The following NAT10 variants were observed in gnomAD, a reference collection of about 807,000 sequenced individuals.
The protein encoded by NAT10 is RNA cytidine acetyltransferase.
Under a neutral mutation model 132.2 loss-of-function variants are expected in NAT10, and 109 were observed. The ratio of observed to expected loss-of-function variants is 0.82; its 90% CI spans 0.71 to 0.97. NAT10 has a LOEUF of 0.97. Among genes scored for constraint, NAT10 ranks in the 50% least tolerant of loss-of-function variants. The pLI, the probability that NAT10 is intolerant of heterozygous loss-of-function variation, is 0.00. For synonymous variants in NAT10, 479 were observed against 478.0 expected (o/e 1.00, Z -0.03); for missense variants, 1,184 against 1,263.4 (o/e 0.94, Z 0.95).
intron 8 of NAT10, among the ~76,000 whole-genome samples, chr11:34,121,810 A>C (rs1190692205): frequency 2.9e-5 from 4 of 137,830 alleles, no homozygotes; most frequent in African/African-American, 1.1e-4. Flanking sequence ...AAGTGAGCTG[A>C]GATCATGCCA....
intron 28 of NAT10, among the ~76,000 whole-genome samples, chr11:34,144,200 C>T (rs1016633775): frequency 2.6e-5 from 4 of 151,950 alleles, no homozygotes; most frequent in South Asian, 2.1e-4. Flanking sequence ...TTTGGGAGGC[C>T]GAGGTAGGAG....
chr11:34,108,468 C>A, intron 2 of NAT10, 135 bp downstream of exon 2: 1 of 735,872 alleles, frequency 1.4e-6, no homozygotes, highest in South Asian at 1.8e-5. Context: ...GGGAACCTTT[C>A]TTTATTTCCT....
At chr11:34,137,618 G>T (rs1440201546) in intron 21 of NAT10, among the ~76,000 whole-genome samples, 1 of 152,180 alleles carries the variant, frequency 6.6e-6, no homozygotes, top group Non-Finnish European at 1.5e-5. Context: ...GTTCATTGCT[G>T]TATTCCTCGC....
At chr11:34,140,299 G>T in intron 23 of NAT10, 101 bp from the exon 24 acceptor site, 2 of 1,144,686 alleles carry the variant, frequency 1.7e-6, no homozygotes, top group Admixed American at 2.1e-5. Context: ...GCCAGGCCCT[G>T]TTAGATGCTC....
At chr11:34,133,748 G>A (rs901723895) in intron 16 of NAT10, among the ~76,000 whole-genome samples, 21 of 152,082 alleles carry the variant, frequency 1.4e-4, no homozygotes, top group African/African-American at 4.3e-4. Context: ...CTTCACACAC[G>A]CACAGCATAC....
chr11:34,118,607 G>A, intron 8 of NAT10, 104 bp downstream of exon 8: 1 of 828,490 alleles, frequency 1.2e-6, no homozygotes, highest in Non-Finnish European at 1.9e-6. Flanking sequence ...ACCCTCCCTG[G>A]AGAAGGGGAC....
Position 34,139,225 on chromosome 11 carries a change from T to C in NAT10, c.2246T>C (p.Leu749Pro). Residue 749 changes from leucine to proline, a missense_variant, in exon 22 of 29, where the codon CTG (leucine) becomes CCG (proline). Coordinates refer to ENST00000257829, the MANE Select transcript of NAT10 (RefSeq NM_024662.3). The part of the protein sequence containing the change: ...DLTGEHSCIM[L>P]KTLTDEDEAD... Reference sequence around the variant, plus strand: ...ACCGGAGAGCACTCGTGCATCATGCTGAAGACGCTCACTGATGAGGATGAG... The same window carrying C: ...ACCGGAGAGCACTCGTGCATCATGCCGAAGACGCTCACTGATGAGGATGAG... 1 of 1,614,050 alleles carries C rather than the reference T, an allele frequency of 6.2e-7. No individual in the cohort carries two copies. The highest frequency in any genetic ancestry group is 2.2e-5 in the East Asian group (1 of 44,852).
At chr11:34,135,922 A>G (rs1022848121) in intron 19 of NAT10, among the ~76,000 whole-genome samples, 1 of 151,628 alleles carries the variant, frequency 6.6e-6, no homozygotes, top group Non-Finnish European at 1.5e-5. Context: ...TGATCTCGCC[A>G]CTGGACTCTG....
intron 2 of NAT10, 44 bp downstream of exon 2, chr11:34,108,377 C>T: frequency 6.7e-7 from 1 of 1,490,926 alleles, no homozygotes; most frequent in Non-Finnish European, 9.4e-7. Context: ...TTATCTTGTC[C>T]AAAGAATCAG....
chr11:34,131,573 G>A (rs1215116686), intron 14 of NAT10, 42 bp downstream of exon 14: 1 of 1,561,300 alleles, frequency 6.4e-7, no homozygotes, highest in East Asian at 2.3e-5. Context: ...AAAAGGAGAG[G>A]GGCGGTGAAA....
intron 6 of NAT10, among the ~76,000 whole-genome samples, chr11:34,116,823 G>C (rs1423074352): frequency 6.6e-6 from 1 of 152,168 alleles, no homozygotes; most frequent in African/African-American, 2.4e-5. Flanking sequence ...CTGAACTCCT[G>C]ACCTCAAGTG....
At chr11:34,145,019 G>T (rs1852413290) in intron 28 of NAT10, among the ~76,000 whole-genome samples, 1 of 152,232 alleles carries the variant, frequency 6.6e-6, no homozygotes, top group Non-Finnish European at 1.5e-5. Context: ...TTGTGGTGCA[G>T]CACAGAAGCC....
At chr11:34,130,447 C>CA (rs1852084550) in intron 12 of NAT10, among the ~76,000 whole-genome samples, 1 of 152,228 alleles carries the variant, frequency 6.6e-6, no homozygotes, top group Non-Finnish European at 1.5e-5. Flanking sequence ...AGCCTTTATG[C>CA]TAAAGGCTTT....
At chr11:34,122,321 G>A (rs1372982654) in intron 8 of NAT10, 138 bp from the exon 9 acceptor site, 2 of 1,054,020 alleles carry the variant, frequency 1.9e-6, no homozygotes, top group African/African-American at 1.6e-5. Flanking sequence ...CAGGTGCTGA[G>A]CAGTGCTTTC....
At chr11:34,124,672 T>TA (rs1565112448) in intron 11 of NAT10, among the ~76,000 whole-genome samples, 1 of 152,254 alleles carries the variant, frequency 6.6e-6, no homozygotes, top group African/African-American at 2.4e-5. Context: ...GCTGATTAAC[T>TA]AAAAGAGAAT....
chr11:34,107,384 A>G (rs749752505), intron 1 of NAT10: 1 of 152,202 alleles, frequency 6.6e-6, no homozygotes, highest in Non-Finnish European at 1.5e-5. Context: ...GACACATTAC[A>G]TCATGGAATT....
chr11:34,115,642 C>T (rs575346083), intron 5 of NAT10, among the ~76,000 whole-genome samples, 181 bp from the exon 6 acceptor site: 7 of 152,292 alleles, frequency 4.6e-5, no homozygotes, highest in East Asian at 1.9e-4. Flanking sequence ...TAATAAGCAA[C>T]GTTGCATTCA....
At position 34,142,001 on chromosome 11, in the gene NAT10, G is replaced by A. The variant is rs1852343177; in HGVS notation, c.2811+184G>A. ...TTGTCTGAGCACACACAGGCCTAGA[G>A]TTGTGCCTCCCACTGATTGTGTGTG... On this transcript the variant is annotated intron_variant, in intron 26 of 28. Transcript: ENST00000257829. 1.7e-5 allele frequency: 11 copies of A among 630,352 alleles called. No homozygotes were observed. In the South Asian group the frequency reaches 2.2e-4, roughly 12 times the overall value. The allele number at this position is 630,352 out of a possible 1,614,324, so 39.0% of individuals were successfully genotyped here. A position where few individuals can be genotyped will look rare whatever the true frequency, so the allele number is the denominator to read the frequency against.
intron 20 of NAT10, 94 bp downstream of exon 20, chr11:34,136,869 T>C: frequency 1.2e-6 from 2 of 1,611,344 alleles, no homozygotes; most frequent in Non-Finnish European, 1.7e-6. Context: ...CTGGTATCGG[T>C]GCTAGCCTGC....
Sources: allele counts gnomAD v4.1 joint callset (sites outside exome capture counted in the v4.1 genomes callset), GRCh38; gene constraint gnomAD v4.1.1; transcripts MANE v1.5; gene names NCBI Gene and HGNC (gene_info 2026-07-23, HGNC 2026-07-21).